GRIK4: variants seen among roughly 807,000 people sequenced by gnomAD.
The protein encoded by GRIK4 is glutamate ionotropic receptor kainate type subunit 4.
Under a neutral mutation model 104.9 loss-of-function variants are expected in GRIK4, and 40 were observed. The observed-to-expected ratio is 0.38, with a 90% CI of 0.30 to 0.50. The LOEUF is 0.50. GRIK4 is among the 20% of genes least tolerant of loss of function. The pLI, the probability that GRIK4 is intolerant of heterozygous loss-of-function variation, is 0.93. For synonymous variants in GRIK4, 485 were observed against 524.9 expected (o/e 0.92, Z 1.04); for missense variants, 1,047 against 1,308.1 (o/e 0.80, Z 3.08).
intron 3 of GRIK4, among the ~76,000 whole-genome samples, chr11:120,778,270 G>T (rs1952082025): frequency 6.6e-6 from 1 of 152,226 alleles, no homozygotes; most frequent in Admixed American, 6.5e-5. Context: ...TGATGTGTAG[G>T]AGTTGAAAAG....
At chr11:120,789,285 CAAA>C (rs558443075) in intron 3 of GRIK4, among the ~76,000 whole-genome samples, 4 of 151,862 alleles carry the variant, frequency 2.6e-5, no homozygotes, top group Non-Finnish European at 5.9e-5. Context: ...TCTCCAAAAA[CAAA>C]AAAAGAACAA....
intron 1 of GRIK4, among the ~76,000 whole-genome samples, chr11:120,622,524 T>A (rs1949202587): frequency 6.6e-6 from 1 of 152,232 alleles, no homozygotes; most frequent in African/African-American, 2.4e-5. Context: ...TATATGCATA[T>A]CAAATGGAAA....
chr11:120,610,160 G>A (rs1024393766), intron 1 of GRIK4, among the ~76,000 whole-genome samples: 1 of 150,582 alleles, frequency 6.6e-6, no homozygotes, highest in Non-Finnish European at 1.5e-5. Context: ...TACAGGTGGA[G>A]GCCTGGACTG....
At chr11:120,851,269 G>A (rs1391498727) in intron 8 of GRIK4, among the ~76,000 whole-genome samples, 1 of 152,146 alleles carries the variant, frequency 6.6e-6, no homozygotes, top group Non-Finnish European at 1.5e-5. Flanking sequence ...CATACTGAAT[G>A]ACTTGCAGGT....
intron 7 of GRIK4, among the ~76,000 whole-genome samples, chr11:120,835,000 G>A (rs534587278): frequency 6.6e-6 from 1 of 152,354 alleles, no homozygotes; most frequent in East Asian, 1.9e-4. Context: ...TGTGTGTGCA[G>A]TGGGGCGTAG....
At chr11:120,978,870 G>A (rs1196734735) in intron 19 of GRIK4, among the ~76,000 whole-genome samples, 1 of 152,212 alleles carries the variant, frequency 6.6e-6, no homozygotes, top group Non-Finnish European at 1.5e-5. Flanking sequence ...AAAAAGCCAA[G>A]ATGGGAGTGT....
chr11:120,773,664 G>T (rs749575040), intron 3 of GRIK4, among the ~76,000 whole-genome samples: 1 of 152,156 alleles, frequency 6.6e-6, no homozygotes, highest in Non-Finnish European at 1.5e-5. Flanking sequence ...CCCACATAAA[G>T]GCAGTGCTTT....
intron 3 of GRIK4, among the ~76,000 whole-genome samples, chr11:120,716,996 A>G (rs1378693648): frequency 6.6e-6 from 1 of 152,186 alleles, no homozygotes; most frequent in African/African-American, 2.4e-5. Context: ...TAGGATCCAA[A>G]TCCTTTAAAT....
intron 3 of GRIK4, among the ~76,000 whole-genome samples, chr11:120,792,681 C>T (rs992712355): frequency 2.0e-5 from 3 of 152,010 alleles, no homozygotes; most frequent in African/African-American, 7.3e-5. Context: ...GGTGAAGGCA[C>T]GATGCCTGGG....
chr11:120,541,518 G>A (rs926309045), intron 1 of GRIK4, among the ~76,000 whole-genome samples: 1 of 151,834 alleles, frequency 6.6e-6, no homozygotes, highest in African/African-American at 2.4e-5. Flanking sequence ...TTCTGAGGTA[G>A]CGCCTTGCTC....
rs1281960501 is a variant in GRIK4, at chr11:120,952,148, G to A, written c.1591-707G>A. Among the ~76,000 whole-genome samples, 1 of 152,170 alleles carries A rather than the reference G, an allele frequency of 6.6e-6. No individual in the cohort carries two copies. The highest frequency in any genetic ancestry group is 1.5e-5 in the Non-Finnish European group (1 of 68,040). ...CCATTGTCTGGCTCACAGGACTCTG[G>A]CCAGACTCATCCCTGGCCTTGCAAC... On this transcript the variant is annotated intron_variant, in intron 14 of 20. Transcript: ENST00000527524. The surrounding 1 kb of genome is among the most constrained non-coding windows in gnomAD (Gnocchi z 5.2).
Position 120,513,620 on chromosome 11 carries a change from GT to G in GRIK4, c.-159+1734del, listed in dbSNP as rs1165711710. The stretch of plus-strand genomic sequence containing the variant: ...GTTAATCTAATATGCACACATTACA[GT>G]GTCTGGGTTTGTTTAATTTTCCATA... On this transcript the variant is annotated intron_variant, in intron 1 of 20. Coordinates refer to ENST00000527524, the MANE Select transcript of GRIK4 (RefSeq NM_014619.5). The surrounding 1 kb of genome is among the most constrained non-coding windows in gnomAD (Gnocchi z 4.5). Among the ~76,000 whole-genome samples the G allele has an allele frequency of 6.6e-6, 1 of 152,184 alleles. No homozygotes were observed. Among genetic ancestry groups the G allele is most frequent in the East Asian group, 1.9e-4 (1 of 5,192 alleles).
intron 16 of GRIK4, among the ~76,000 whole-genome samples, chr11:120,957,836 G>A (rs1944197581): frequency 6.6e-6 from 1 of 152,202 alleles, no homozygotes; most frequent in Non-Finnish European, 1.5e-5. Flanking sequence ...TACTGGAGGA[G>A]CCACTGGGCT....
At chr11:120,867,676 G>T (rs1379664118) in intron 9 of GRIK4, among the ~76,000 whole-genome samples, 1 of 151,982 alleles carries the variant, frequency 6.6e-6, no homozygotes, top group African/African-American at 2.4e-5. Flanking sequence ...GAGAGGAGTG[G>T]CTGAACTGAG....
chr11:120,535,066 G>C (rs534670746), intron 1 of GRIK4, among the ~76,000 whole-genome samples: 40 of 152,358 alleles, frequency 2.6e-4, no homozygotes, highest in African/African-American at 8.9e-4. Flanking sequence ...CTGACTTGTA[G>C]GGTTTGCTGA....
rs1291216922 is a variant in GRIK4 at position 120,566,559 on chromosome 11, A to G, written c.-159+54672A>G. 2.0e-5 allele frequency among the ~76,000 whole-genome samples: 3 copies of G among 152,036 alleles called. No homozygotes were observed. The East Asian group carries it at 5.8e-4, about 29-fold the overall frequency. ...CACATACTGTTCCAACAACTTGTAA[A>G]CCCTTTTTTGTCTTGAGGTTCAGTT... On this transcript the variant is annotated intron_variant, in intron 1 of 20. Transcript: ENST00000527524.
chr11:120,823,644 C>T (rs1018766423), intron 6 of GRIK4, among the ~76,000 whole-genome samples: 3 of 152,122 alleles, frequency 2.0e-5, no homozygotes, highest in East Asian at 1.9e-4. Context: ...AGCAGTGGTT[C>T]GAGGGTGGGC....
In GRIK4 at chr11:120,926,670, C is replaced by T. The variant is rs77542173; in HGVS notation, c.1477-13677C>T. 7.0e-4 allele frequency among the ~76,000 whole-genome samples: 107 copies of T among 152,308 alleles called. 3 individuals are homozygous for T. The East Asian group carries it at 0.011, about 16-fold the overall frequency. ...ATAGAGAATAATGTTAACTGAGCTC[C>T]TCTTTCTTGGATTTGTCTATTCATT... On this transcript the variant is annotated intron_variant, in intron 13 of 20. Transcript: ENST00000527524.
chr11:120,803,880 TAA>T (rs2135514683), intron 4 of GRIK4, among the ~76,000 whole-genome samples: 1 of 152,364 alleles, frequency 6.6e-6, no homozygotes, highest in South Asian at 2.1e-4. Flanking sequence ...ACCTAAGTGT[TAA>T]GTGTTATCAC....
Sources: gnomAD v4.1 joint callset for allele counts (sites outside exome capture counted in the v4.1 genomes callset) on GRCh38, gnomAD v4.1.1 for gene constraint, Gnocchi (gnomAD v3.1) non-coding constraint, MANE v1.5 for transcripts, NCBI Gene and HGNC (gene_info 2026-07-23, HGNC 2026-07-21) for gene names.